Variants in APOLD1 observed in about 807,000 individuals in gnomAD.
APOLD1 encodes apolipoprotein L domain-containing protein 1.
APOLD1 carries 22 observed loss-of-function variants against 15.3 expected under a neutral mutation model. That is an observed-to-expected ratio of 1.44 (90% CI 1.03 to 2.05). APOLD1 has a LOEUF of 2.05. Ranked by LOEUF, APOLD1 falls within the 30% of genes most tolerant of loss-of-function variation. The pLI is 0.00. For missense variants in APOLD1, 394 were observed against 353.5 expected (o/e 1.11, Z -0.92); for synonymous variants, 190 against 167.4 (o/e 1.13, Z -1.04).
intron 1 of APOLD1, among the ~76,000 whole-genome samples, chr12:12,743,686 GAATT>G (rs1454520884): frequency 6.6e-6 from 1 of 152,196 alleles, no homozygotes; most frequent in Non-Finnish European, 1.5e-5. Context: ...GTTGCAAATG[GAATT>G]GTTTGCTGAT....
chr12:12,748,652 T>G (rs1946783687), intron 1 of APOLD1, among the ~76,000 whole-genome samples: 2 of 150,988 alleles, frequency 1.3e-5, no homozygotes, highest in African/African-American at 4.9e-5. Context: ...ATTATGGGTT[T>G]TTTTTTTTAG....
chr12:12,726,373 G>A (rs1276468709), intron 1 of APOLD1: 1 of 521,336 alleles, frequency 1.9e-6, no homozygotes, highest in Admixed American at 2.8e-5. Flanking sequence ...TTGATTTCTG[G>A]GTACGGAAAT....
intron 1 of APOLD1, among the ~76,000 whole-genome samples, chr12:12,765,015 TCATTTCCAGC>T (rs1946933540): frequency 6.6e-6 from 1 of 152,152 alleles, no homozygotes; most frequent in Non-Finnish European, 1.5e-5. Flanking sequence ...CTTGGAACCT[TCATTTCCAGC>T]CATGTAGAGG....
chr12:12,743,161 A>G (rs1946740865), intron 1 of APOLD1, among the ~76,000 whole-genome samples: 1 of 152,234 alleles, frequency 6.6e-6, no homozygotes, highest in South Asian at 2.1e-4. Flanking sequence ...GTGTAGGTAG[A>G]TAAGAGCCAA....
At chr12:12,745,517 G>A (rs1565428460) in intron 1 of APOLD1, among the ~76,000 whole-genome samples, 1 of 152,094 alleles carries the variant, frequency 6.6e-6, no homozygotes, top group African/African-American at 2.4e-5. Flanking sequence ...GCAATAGAGC[G>A]AGACTGTCTC....
At chr12:12,781,365 AC>A (rs967651817), upstream of APOLD1, among the ~76,000 whole-genome samples, 11 of 151,988 alleles carry the variant, frequency 7.2e-5, no homozygotes, top group Admixed American at 2.6e-4. Context: ...AATTGCTTGA[AC>A]CTGGGAGGCG....
At chr12:12,756,850 G>C (rs530699008) in intron 1 of APOLD1, among the ~76,000 whole-genome samples, 3 of 151,864 alleles carry the variant, frequency 2.0e-5, no homozygotes, top group Admixed American at 1.3e-4. Context: ...GCAATGGCAC[G>C]ATCTCGGCTC....
In APOLD1 at chr12:12,788,669, T is replaced by C. The variant is rs934044442; in HGVS notation, c.*1017T>C. The C allele has an allele frequency of 5.9e-5, 9 of 152,182 alleles. No individual in the cohort carries two copies. Among genetic ancestry groups the C allele is most frequent in the African/African-American group, 2.2e-4 (9 of 41,442 alleles). The allele number at this position is 152,182 out of a possible 1,614,324, so 9.4% of individuals were successfully genotyped here. On this transcript the variant is annotated 3_prime_UTR_variant, in exon 2 of 2. Transcript: ENST00000356591. ...TCTTGGACACAACCCTCCTGATTTA[T>C]GGAATCAGAAACTCTGGCTGTGGGG...
intron 1 of APOLD1, among the ~76,000 whole-genome samples, chr12:12,779,957 A>T (rs1455435342): frequency 6.6e-6 from 1 of 152,106 alleles, no homozygotes; most frequent in Non-Finnish European, 1.5e-5. Flanking sequence ...TGAATTTTTG[A>T]CAATAATACT....
chr12:12,761,148 C>T (rs1224209084), intron 1 of APOLD1, among the ~76,000 whole-genome samples: 1 of 152,140 alleles, frequency 6.6e-6, no homozygotes, highest in Non-Finnish European at 1.5e-5. Flanking sequence ...TAATCATGTG[C>T]TTAATCTAAT....
At chr12:12,784,657 C>T (rs564833637), upstream of APOLD1, among the ~76,000 whole-genome samples, 24 of 152,164 alleles carry the variant, frequency 1.6e-4, no homozygotes, top group East Asian at 4.6e-3. Context: ...AAGTGAGAAA[C>T]GAATTTGGCC....
chr12:12,761,154 C>G (rs1169237173), intron 1 of APOLD1, among the ~76,000 whole-genome samples: 1 of 152,168 alleles, frequency 6.6e-6, no homozygotes, highest in Non-Finnish European at 1.5e-5. Flanking sequence ...TGTGCTTAAT[C>G]TAATACACTT....
chr12:12,752,297 C>T (rs906427908), intron 1 of APOLD1, among the ~76,000 whole-genome samples: 5 of 152,174 alleles, frequency 3.3e-5, no homozygotes, highest in African/African-American at 1.2e-4. Context: ...CAAGAAAGCA[C>T]AAGTTCTACT....
chr12:12,734,109 A>C (rs529973710), intron 1 of APOLD1, among the ~76,000 whole-genome samples: 1 of 152,286 alleles, frequency 6.6e-6, no homozygotes, highest in East Asian at 1.9e-4. Flanking sequence ...GTTTGTGTAC[A>C]TGGTTTGGCT....
At chr12:12,767,043 C>T (rs550028785) in intron 1 of APOLD1, among the ~76,000 whole-genome samples, 184 of 151,078 alleles carry the variant, frequency 1.2e-3, no homozygotes, top group Non-Finnish European at 2.2e-3. Context: ...GTCAGGAGTT[C>T]GAGACCAGCC....
intron 1 of APOLD1, among the ~76,000 whole-genome samples, chr12:12,763,892 T>C (rs1946923387): frequency 6.6e-6 from 1 of 152,152 alleles, no homozygotes; most frequent in South Asian, 2.1e-4. Context: ...TGATATGAGA[T>C]TGGTAGAATC....
chr12:12,774,537 C>T (rs1247947634), intron 1 of APOLD1, among the ~76,000 whole-genome samples: 1 of 90,242 alleles, frequency 1.1e-5, no homozygotes, highest in Non-Finnish European at 2.0e-5. Context: ...CACAGCGAGA[C>T]TCTAACTCCA....
upstream of APOLD1, among the ~76,000 whole-genome samples, chr12:12,782,945 C>T (rs1168463593): frequency 2.0e-5 from 3 of 152,118 alleles, no homozygotes; most frequent in African/African-American, 7.2e-5. Flanking sequence ...GTGGCTCATG[C>T]CTGTAATCCC....
intron 1 of APOLD1, among the ~76,000 whole-genome samples, chr12:12,735,005 C>G (rs1235475363): frequency 6.6e-6 from 1 of 152,106 alleles, no homozygotes; most frequent in Non-Finnish European, 1.5e-5. Context: ...GGATCCCAGA[C>G]AAGGTGACTA....
Sources: allele counts gnomAD v4.1 joint callset (sites outside exome capture counted in the v4.1 genomes callset), GRCh38; gene constraint gnomAD v4.1.1; transcripts MANE v1.5; gene names NCBI Gene and HGNC (gene_info 2026-07-23, HGNC 2026-07-21).